The following MYO7B variants were observed in gnomAD, a reference collection of about 807,000 sequenced individuals.
MYO7B encodes myosin VIIB, also known as unconventional myosin-VIIb.
A neutral mutation model predicts 259.7 loss-of-function variants in MYO7B; 212 were observed. That is an observed-to-expected ratio of 0.82 (90% CI 0.73 to 0.91). The LOEUF (loss-of-function observed/expected upper bound fraction) is 0.91. MYO7B is among the 40% of genes least tolerant of loss of function. The probability of loss-of-function intolerance (pLI) is 0.00; values close to 1 mark genes in which losing one functional copy is unlikely to be tolerated. For missense variants in MYO7B, 2,732 were observed against 2,813.5 expected, an observed-to-expected ratio of 0.97 and a Z score of 0.66; for synonymous variants, 1,197 against 1,166.4, an observed-to-expected ratio of 1.03 and a Z score of -0.54.
chr2:127,590,345 C>T lies in MYO7B; in HGVS notation c.1992+116C>T. ...GGCTAGCGTTAGAGCTGTTACTGCC[C>T]CTACCTTACAGATAAGTACACTGGG... On this transcript the variant is annotated intron_variant, in intron 16 of 47. Coordinates refer to ENST00000409816, the MANE Select transcript of MYO7B (RefSeq NM_001393586.1). The surrounding 1 kb of genome is among the most constrained non-coding windows in gnomAD (Gnocchi z 4.6). 1.4e-6 allele frequency: 2 copies of T among 1,416,660 alleles called. No homozygotes were observed. The highest frequency in any genetic ancestry group is 1.3e-5 in the South Asian group (1 of 77,298). 87.8% of individuals were successfully genotyped at this position (1,416,660 alleles called of 1,614,324 possible).
At chr2:127,583,407 G>C (rs1487423584) in intron 12 of MYO7B, among the ~76,000 whole-genome samples, 1 of 152,194 alleles carries the variant, frequency 6.6e-6, no homozygotes, top group Non-Finnish European at 1.5e-5. Flanking sequence ...TCAGGTGGGA[G>C]AGGCAGGGCT....
In MYO7B at chr2:127,601,716, G is replaced by T. The variant is rs1230412314; in HGVS notation, c.2340-4128G>T. ...ATGTTAAGTGAGTTTCTCATAGACA[G>T]TATGTAATCGGGTCATGTTTTTCAA... On this transcript the variant is annotated intron_variant, in intron 19 of 47. Coordinates refer to ENST00000409816, the MANE Select transcript of MYO7B (RefSeq NM_001393586.1). 2.0e-5 allele frequency among the ~76,000 whole-genome samples: 3 copies of T among 152,226 alleles called. No homozygotes were observed. The East Asian group carries it at 5.8e-4, about 29-fold the overall frequency.
rs1680139371 is a variant in MYO7B at position 127,605,826 on chromosome 2, C to T, written c.2340-18C>T. On this transcript the variant is annotated intron_variant, in intron 19 of 47. Transcript: ENST00000409816. ...ATCTGGGATTGTTACATGTGTGTGG[C>T]TTGCATTGCCCTTCTAGGAAGGAGT... 6.2e-7 allele frequency: 1 copy of T among 1,611,420 alleles called. No homozygotes were observed.
intron 5 of MYO7B, 111 bp downstream of exon 5, chr2:127,566,938 C>G: frequency 8.7e-7 from 1 of 1,150,608 alleles, no homozygotes; most frequent in South Asian, 1.6e-5. Context: ...ATGGCACACA[C>G]CCATCTCCAC....
At position 127,559,708 on chromosome 2, in the gene MYO7B, A is replaced by G. The variant is rs757658558; in HGVS notation, c.-15A>G. 37 of 1,613,852 alleles carry G rather than the reference A, an allele frequency of 2.3e-5. No homozygotes were observed. The highest frequency in any genetic ancestry group is 3.0e-5 in the Non-Finnish European group (35 of 1,179,890). On this transcript the variant is annotated 5_prime_UTR_variant, in exon 2 of 48. Transcript: ENST00000409816. The surrounding 1 kb of genome is among the most constrained non-coding windows in gnomAD (Gnocchi z 4.1). ...TTTCTCTCTCCATACAGGCTTGTGG[A>G]ACTGCTGACTCAGGATGTCGGGGTT... is the stretch of plus-strand genomic sequence containing the variant.
chr2:127,555,301 CT>C (rs1340299567), intron 1 of MYO7B, among the ~76,000 whole-genome samples: 2 of 152,146 alleles, frequency 1.3e-5, no homozygotes, highest in Non-Finnish European at 2.9e-5. Flanking sequence ...TGTTAATGGT[CT>C]ATCAATTTTA....
chr2:127,591,870 C>T (rs1679572297), intron 16 of MYO7B, among the ~76,000 whole-genome samples: 4 of 152,348 alleles, frequency 2.6e-5, no homozygotes, highest in African/African-American at 9.6e-5. Flanking sequence ...AAGCAAAAGA[C>T]GGCTCAGCTC....
At chr2:127,583,415 G>A (rs565048234) in intron 12 of MYO7B, among the ~76,000 whole-genome samples, 1 of 152,322 alleles carries the variant, frequency 6.6e-6, no homozygotes, top group East Asian at 1.9e-4. Flanking sequence ...GAGAGGCAGG[G>A]CTGGCAGAAC....
Position 127,546,779 on chromosome 2 carries a change from T to TCCAC in MYO7B, c.-24+10951_-24+10952insCCCA, listed in dbSNP as rs528048618. Among the ~76,000 whole-genome samples the TCCAC allele has an allele frequency of 2.4e-3, 357 of 151,206 alleles. 3 individuals are homozygous for TCCAC. The highest frequency in any genetic ancestry group is 8.0e-3 in the African/African-American group (330 of 41,216). On this transcript the variant is annotated intron_variant, in intron 1 of 47. Coordinates refer to ENST00000409816, the MANE Select transcript of MYO7B (RefSeq NM_001393586.1). This position sits in a 1 kb window ranked among gnomAD's most constrained non-coding sequence, Gnocchi z 4.2. The stretch of plus-strand genomic sequence containing the variant: ...CTGGGTAGGTCCATCCATCCATCCA[T>TCCAC]CCATCCATCCATCCATCCATCCATC...
chr2:127,545,909 G>A (rs910644789), intron 1 of MYO7B, among the ~76,000 whole-genome samples: 1 of 152,176 alleles, frequency 6.6e-6, no homozygotes, highest in African/African-American at 2.4e-5. Context: ...GTCCAACTGG[G>A]GCCCACTGAC....
intron 30 of MYO7B, among the ~76,000 whole-genome samples, chr2:127,624,736 G>A (rs1681020582): frequency 1.3e-5 from 2 of 152,232 alleles, no homozygotes; most frequent in South Asian, 4.1e-4. Flanking sequence ...GGGCTCGGGA[G>A]GGGCTCTCAC....
At chr2:127,581,791 G>C (rs1679110829) in intron 10 of MYO7B, 100 bp from the exon 11 acceptor site, 1 of 1,532,128 alleles carries the variant, frequency 6.5e-7, no homozygotes, top group South Asian at 1.2e-5. Context: ...GGGCATAGGT[G>C]CTTGGTCACG....
intron 44 of MYO7B, 65 bp downstream of exon 44, chr2:127,635,972 C>T (rs987881086): frequency 6.7e-7 from 1 of 1,496,472 alleles, no homozygotes; most frequent in African/African-American, 1.4e-5. Context: ...TGCACCAGTG[C>T]CATGCCCTGC....
Position 127,597,248 on chromosome 2 carries a change from G to C in MYO7B, c.2339+692G>C, listed in dbSNP as rs34280534. Among the ~76,000 whole-genome samples, 25,521 of 152,292 alleles carry C rather than the reference G, an allele frequency of 0.17. 2,404 individuals carry two copies. The highest frequency in any genetic ancestry group is 0.3 in the South Asian group (1,427 of 4,832). On this transcript the variant is annotated intron_variant, in intron 19 of 47. Transcript: ENST00000409816. The surrounding 1 kb of genome is among the most constrained non-coding windows in gnomAD (Gnocchi z 4.8). Reference sequence around the variant, plus strand: ...CAAACAGGCCCACGTGGTCAGAGGCGAGGCAGGCTGGCCACCCTGACTCCC... The same window carrying C: ...CAAACAGGCCCACGTGGTCAGAGGCCAGGCAGGCTGGCCACCCTGACTCCC...
intron 4 of MYO7B, 113 bp downstream of exon 4, chr2:127,565,498 G>A (rs555267991): frequency 2.1e-6 from 3 of 1,399,476 alleles, no homozygotes; most frequent in Non-Finnish European, 2.9e-6. Flanking sequence ...CCTCACTGAG[G>A]GAGGTGGGCG....
intron 19 of MYO7B, among the ~76,000 whole-genome samples, chr2:127,601,268 G>A (rs1322698581): frequency 6.6e-6 from 1 of 152,178 alleles, no homozygotes; most frequent in Non-Finnish European, 1.5e-5. Flanking sequence ...TATTCTAAGA[G>A]CACTTGGAAA....
In MYO7B at chr2:127,588,516, G is replaced by A. The variant is rs1679391757; in HGVS notation, c.1815G>A (p.Gly605=). Residue 605 remains glycine (G), a synonymous_variant, in exon 15 of 48, where the codon GGG becomes GGA. Coordinates refer to ENST00000409816, the MANE Select transcript of MYO7B (RefSeq NM_001393586.1). ...LELAETKLGH[G]TIRQAKAGNH... is the part of the protein sequence containing the mutation. Reference sequence around the variant, plus strand: ...TAGCAGAGACCAAGCTGGGCCATGGGACCATCCGCCAGGCAAAGGCAGGAA... The same window carrying A: ...TAGCAGAGACCAAGCTGGGCCATGGAACCATCCGCCAGGCAAAGGCAGGAA... 5 of 1,613,150 alleles carry A rather than the reference G, an allele frequency of 3.1e-6. No homozygotes were observed. The Admixed American group carries it at 5.0e-5, about 16-fold the overall frequency.
Position 127,609,410 on chromosome 2 carries a change from C to T in MYO7B, c.2815-96C>T, listed in dbSNP as rs1680287688. ...CACCTGAGGGATCAGGGTAATGCAA[C>T]AGCCCCCGTGCTGCCCGGCCTGCTG... On this transcript the variant is annotated intron_variant, in intron 22 of 47. Coordinates refer to ENST00000409816, the MANE Select transcript of MYO7B (RefSeq NM_001393586.1). The surrounding 1 kb of genome is among the most constrained non-coding windows in gnomAD (Gnocchi z 6.9). The T allele has an allele frequency of 8.8e-7, 1 of 1,138,042 alleles. No individual in the cohort carries two copies. Among genetic ancestry groups the T allele is most frequent in the Admixed American group, 2.1e-5 (1 of 48,586 alleles). The allele number at this position is 1,138,042 out of a possible 1,614,324, so 70.5% of individuals were successfully genotyped here. A position where few individuals can be genotyped will look rare whatever the true frequency, so the allele number is the denominator to read the frequency against.
intron 39 of MYO7B, among the ~76,000 whole-genome samples, chr2:127,632,966 G>A (rs900586215): frequency 3.3e-5 from 5 of 152,184 alleles, no homozygotes; most frequent in South Asian, 2.1e-4. Flanking sequence ...CCTGTTGTGC[G>A]AGAATAAGAA....
Sources: allele counts gnomAD v4.1 joint callset (sites outside exome capture counted in the v4.1 genomes callset), GRCh38; gene constraint gnomAD v4.1.1; non-coding constraint Gnocchi (gnomAD v3.1); transcripts MANE v1.5; gene names NCBI Gene and HGNC (gene_info 2026-07-23, HGNC 2026-07-21).